Variants in CYP19A1 observed in about 807,000 individuals in gnomAD.
CYP19A1 encodes aromatase.
A neutral mutation model predicts 44.4 loss-of-function variants in CYP19A1; 32 were observed. The ratio of observed to expected loss-of-function variants is 0.72; its 90% confidence interval spans 0.54 to 0.97. The LOEUF is 0.97. Ranked by LOEUF, CYP19A1 falls within the 50% of genes least tolerant of loss-of-function variation. CYP19A1 has a pLI of 0.00. For synonymous variants in CYP19A1, 212 were observed against 215.6 expected, an observed-to-expected ratio of 0.98 and a Z score of 0.14; for missense variants, 598 against 637.8, an observed-to-expected ratio of 0.94 and a Z score of 0.67.
chr15:51,229,764 T>C (rs1366576115), intron 3 of CYP19A1, among the ~76,000 whole-genome samples: 1 of 152,228 alleles, frequency 6.6e-6, no homozygotes, highest in Non-Finnish European at 1.5e-5. Flanking sequence ...AAGTAATTTA[T>C]ATATTCTTTA....
chr15:51,309,314 A>G (rs2036269277), intron 1 of CYP19A1, among the ~76,000 whole-genome samples: 2 of 152,184 alleles, frequency 1.3e-5, no homozygotes, highest in South Asian at 4.1e-4. Context: ...TAGCCTCCAG[A>G]ACAATGAGAA....
rs1380512517 is a variant in CYP19A1 at position 51,208,531 on chromosome 15, A to T, written c.*2277T>A. ...ACTTAACAATGGGGCAAAATTCTGA[A>T]GATAATAGAATTTTCAAAATGTGTT... On this transcript the variant is annotated 3_prime_UTR_variant, in exon 10 of 10. Coordinates refer to ENST00000396402, the MANE Select transcript of CYP19A1 (RefSeq NM_000103.4). 1 of 128,664 alleles carries T rather than the reference A, an allele frequency of 7.8e-6. No homozygotes were observed. The highest frequency in any genetic ancestry group is 1.8e-5 in the Non-Finnish European group (1 of 55,602). 8.0% of individuals were successfully genotyped at this position (128,664 alleles called of 1,614,324 possible).
At chr15:51,248,193 G>A (rs2034149657) in intron 1 of CYP19A1, among the ~76,000 whole-genome samples, 1 of 152,300 alleles carries the variant, frequency 6.6e-6, no homozygotes, top group South Asian at 2.1e-4. Context: ...TGTGGAGGGT[G>A]GGGAATGGAC....
intron 1 of CYP19A1, among the ~76,000 whole-genome samples, chr15:51,248,323 CA>C (rs2034156192): frequency 1.3e-5 from 2 of 152,218 alleles, no homozygotes; most frequent in Admixed American, 1.3e-4. Flanking sequence ...CCAACTGTCA[CA>C]ACCTTCACGG....
chr15:51,256,493 G>A (rs887599887), intron 1 of CYP19A1, among the ~76,000 whole-genome samples: 4 of 152,190 alleles, frequency 2.6e-5, no homozygotes, highest in Admixed American at 2.0e-4. Flanking sequence ...GGGGAGAGGT[G>A]GGAGTGGGGG....
At position 51,212,678 on chromosome 15, in the gene CYP19A1, C is replaced by T. The variant is rs959189113; in HGVS notation, c.1022-117G>A. On this transcript the variant is annotated intron_variant, in intron 8 of 9. Coordinates refer to ENST00000396402, the MANE Select transcript of CYP19A1 (RefSeq NM_000103.4). The stretch of plus-strand genomic sequence containing the variant: ...TGCTCTTGGTTGAAAAAAATTGTGG[C>T]TCTAATTCTAATGCACACCAGCAAC... 7 of 734,320 alleles carry T rather than the reference C, an allele frequency of 9.5e-6. No individual in the cohort carries two copies. The African/African-American group carries it at 1.2e-4, about 13-fold the overall frequency. 45.5% of individuals were successfully genotyped at this position (734,320 alleles called of 1,614,324 possible).
chr15:51,311,501 T>C (rs2036310000), intron 1 of CYP19A1, among the ~76,000 whole-genome samples: 2 of 152,206 alleles, frequency 1.3e-5, no homozygotes, highest in Non-Finnish European at 2.9e-5. Context: ...GGTCTAATGT[T>C]CATGTCATTG....
chr15:51,293,881 T>A (rs866426318), intron 1 of CYP19A1: 1 of 206,292 alleles, frequency 4.8e-6, no homozygotes, highest in South Asian at 7.3e-5. Context: ...CAGGCTGGGG[T>A]GCAGTGGCGT....
At chr15:51,248,320 T>C (rs1281238899) in intron 1 of CYP19A1, among the ~76,000 whole-genome samples, 1 of 152,170 alleles carries the variant, frequency 6.6e-6, no homozygotes, top group Admixed American at 6.5e-5. Context: ...GAACCAACTG[T>C]CACAACCTTC....
At chr15:51,224,448 A>T (rs946312671) in intron 4 of CYP19A1, among the ~76,000 whole-genome samples, 1 of 152,238 alleles carries the variant, frequency 6.6e-6, no homozygotes, top group African/African-American at 2.4e-5. Context: ...GGGTCCAGTT[A>T]TGTAGCACTT....
At chr15:51,222,602 T>C in intron 4 of CYP19A1, 77 bp from the exon 5 acceptor site, 1 of 1,138,846 alleles carries the variant, frequency 8.8e-7, no homozygotes, top group Admixed American at 1.9e-5. Flanking sequence ...TGGCTTTTTA[T>C]GTTGGAGCTT....
intron 2 of CYP19A1, among the ~76,000 whole-genome samples, chr15:51,239,209 C>A (rs1473431076): frequency 6.6e-6 from 1 of 152,182 alleles, no homozygotes; most frequent in African/African-American, 2.4e-5. Context: ...GCAGTGAATA[C>A]TTTGCTGCAT....
intron 5 of CYP19A1, 146 bp from the exon 6 acceptor site, chr15:51,218,801 A>C: frequency 6.9e-7 from 1 of 1,459,560 alleles, no homozygotes. Context: ...CATCTTCAGT[A>C]GGAGTTTTAG....
At chr15:51,294,020 C>A (rs966103202) in intron 1 of CYP19A1, 1 of 184,954 alleles carries the variant, frequency 5.4e-6, no homozygotes, top group Admixed American at 6.3e-5. Flanking sequence ...GGCCGCCCAT[C>A]GTCTGGGATG....
Position 51,239,334 on chromosome 15 carries a change from G to A in CYP19A1, c.146-2325C>T, listed in dbSNP as rs546970599. 6.6e-5 allele frequency among the ~76,000 whole-genome samples: 10 copies of A among 152,234 alleles called. No individual in the cohort carries two copies. The South Asian group carries it at 1.9e-3, about 28-fold the overall frequency. On this transcript the variant is annotated intron_variant, in intron 2 of 9. Transcript: ENST00000396402. ...AGATGTACACCATAGAGAAACCTGT[G>A]TGCACATATACATTCAGAACAGCCC...
At chr15:51,219,835 C>T (rs548324043) in intron 5 of CYP19A1, among the ~76,000 whole-genome samples, 22 of 152,306 alleles carry the variant, frequency 1.4e-4, no homozygotes, top group Middle Eastern at 3.4e-3. Flanking sequence ...TTAAAATACA[C>T]GCCTGTTTCA....
At chr15:51,332,570 C>T (rs955593780) in intron 1 of CYP19A1, among the ~76,000 whole-genome samples, 4 of 152,172 alleles carry the variant, frequency 2.6e-5, no homozygotes, top group Non-Finnish European at 5.9e-5. Context: ...TTTTTTCTCC[C>T]TTTTCCTCCT....
intron 1 of CYP19A1, among the ~76,000 whole-genome samples, chr15:51,331,240 C>T (rs974146891): frequency 1.3e-5 from 2 of 152,180 alleles, no homozygotes; most frequent in Non-Finnish European, 2.9e-5. Flanking sequence ...GACAGACCCA[C>T]TCATCACAGG....
Position 51,303,256 on chromosome 15 carries a change from G to C in CYP19A1, c.-39+35239C>G, listed in dbSNP as rs565604416. Among the ~76,000 whole-genome samples, 22 of 152,296 alleles carry C rather than the reference G, an allele frequency of 1.4e-4. 2 individuals carry two copies. In the South Asian group the frequency reaches 4.1e-3, roughly 29 times the overall value. ...CCCAGTGACCTGCACTCTGATTAGA[G>C]AATTTAGGCAGGACAGGCTGGGCCA... On this transcript the variant is annotated intron_variant, in intron 1 of 9. Transcript: ENST00000396402.
Sources: gnomAD v4.1 joint callset for allele counts (sites outside exome capture counted in the v4.1 genomes callset) on GRCh38, gnomAD v4.1.1 for gene constraint, MANE v1.5 for transcripts, NCBI Gene and HGNC (gene_info 2026-07-23, HGNC 2026-07-21) for gene names.